IFT81: variants seen among roughly 807,000 people sequenced by gnomAD.
The protein encoded by IFT81 is intraflagellar transport protein 81 homolog.
A neutral mutation model predicts 102.6 loss-of-function variants in IFT81; 72 were observed. That is an observed-to-expected ratio of 0.70 (90% CI 0.58 to 0.85). The LOEUF is 0.85. Ranked by LOEUF, IFT81 falls within the 40% of genes least tolerant of loss-of-function variation. The pLI is 0.00. For missense variants in IFT81, 723 were observed against 787.3 expected, an observed-to-expected ratio of 0.92 and a Z score of 0.98; for synonymous variants, 237 against 242.7, an observed-to-expected ratio of 0.98 and a Z score of 0.22.
intron 11 of IFT81, among the ~76,000 whole-genome samples, chr12:110,177,314 G>T (rs537173060): frequency 2.0e-5 from 3 of 151,992 alleles, no homozygotes; most frequent in Admixed American, 6.5e-5. Context: ...ACAGAATCTC[G>T]CTCTGTCGCT....
At chr12:110,203,831 C>T in intron 14 of IFT81, 33 bp from the exon 15 acceptor site, 1 of 1,434,814 alleles carries the variant, frequency 7.0e-7, no homozygotes, top group Non-Finnish European at 9.8e-7. Context: ...CTTTGTTTTT[C>T]ACTTATTCAA....
intron 12 of IFT81, among the ~76,000 whole-genome samples, chr12:110,188,123 G>A (rs2137538201): frequency 6.6e-6 from 1 of 152,134 alleles, no homozygotes; most frequent in South Asian, 2.1e-4. Flanking sequence ...ACGAGGTCAG[G>A]AGATCAAGAA....
chr12:110,177,913 G>A (rs201667111), intron 11 of IFT81, among the ~76,000 whole-genome samples: 4 of 151,282 alleles, frequency 2.6e-5, no homozygotes, highest in Admixed American at 2.0e-4. Context: ...TGGCCAACAT[G>A]GTGAAACCCC....
chr12:110,167,089 G>A (rs2339403), intron 11 of IFT81, among the ~76,000 whole-genome samples: 151,158 of 152,196 alleles, frequency 0.99, 75,065 homozygotes, highest in Middle Eastern at 1. Context: ...TAAAGTTAAT[G>A]TTCCAGATGT....
chr12:110,204,161 C>G, intron 15 of IFT81: 1 of 442,374 alleles, frequency 2.3e-6, no homozygotes, highest in South Asian at 3.1e-5. Flanking sequence ...TGCCCGTGTA[C>G]GCACATTTTC....
At chr12:110,217,932 GCTAA>G (rs781671055) in intron 18 of IFT81, 108 bp from the exon 19 acceptor site, 6 of 720,930 alleles carry the variant, frequency 8.3e-6, no homozygotes, top group Non-Finnish European at 1.1e-5. Context: ...ATGTGGTTTA[GCTAA>G]CTATTTTTTA....
At chr12:110,208,471 A>G (rs1361412420) in intron 17 of IFT81, among the ~76,000 whole-genome samples, 1 of 152,046 alleles carries the variant, frequency 6.6e-6, no homozygotes, top group Admixed American at 6.6e-5. Flanking sequence ...ATGCCACTGC[A>G]CTCCAACCTG....
intron 12 of IFT81, among the ~76,000 whole-genome samples, chr12:110,183,288 G>A (rs185404227): frequency 4.6e-5 from 7 of 152,258 alleles, no homozygotes; most frequent in Admixed American, 1.3e-4. Context: ...GTCCCATTAA[G>A]GATGAAATGT....
intron 10 of IFT81, among the ~76,000 whole-genome samples, chr12:110,149,418 G>T (rs1006196540): frequency 2.6e-5 from 4 of 152,300 alleles, no homozygotes; most frequent in Middle Eastern, 3.4e-3. Flanking sequence ...CAGTGGGCAT[G>T]TGTTACAGTG....
chr12:110,191,112 GT>G, intron 13 of IFT81, 64 bp downstream of exon 13: 2 of 1,357,238 alleles, frequency 1.5e-6, no homozygotes, highest in Non-Finnish European at 2.0e-6. Context: ...TTTTGTGTTA[GT>G]TTTATTTTCA....
Position 110,167,702 on chromosome 12 carries a change from A to G in IFT81, c.1188+4637A>G, listed in dbSNP as rs553014042. ...ATTTGCCCTTTATCCTGATTTGTTT[A>G]TTATTATCAATACTTTAGATAAATA... On this transcript the variant is annotated intron_variant, in intron 11 of 18. Transcript: ENST00000242591. Among the ~76,000 whole-genome samples, 3 of 152,214 alleles carry G rather than the reference A, an allele frequency of 2.0e-5. No individual in the cohort carries two copies. In the South Asian group the frequency reaches 6.2e-4, roughly 32 times the overall value.
intron 10 of IFT81, among the ~76,000 whole-genome samples, chr12:110,158,750 C>T (rs1895981494): frequency 6.6e-6 from 1 of 152,190 alleles, no homozygotes; most frequent in East Asian, 1.9e-4. Context: ...CCACCACGCC[C>T]GTCTAATTTT....
At chr12:110,145,105 T>A (rs1472320451) in intron 9 of IFT81, among the ~76,000 whole-genome samples, 1 of 144,474 alleles carries the variant, frequency 6.9e-6, no homozygotes, top group East Asian at 2.1e-4. Context: ...TGATCACAGC[T>A]CACTGCAGCC....
intron 13 of IFT81, among the ~76,000 whole-genome samples, chr12:110,191,267 T>C (rs1365794088): frequency 6.6e-6 from 1 of 151,558 alleles, no homozygotes; most frequent in Non-Finnish European, 1.5e-5. Flanking sequence ...ACCTCTGGGG[T>C]TCAAGTGATT....
intron 14 of IFT81, among the ~76,000 whole-genome samples, chr12:110,193,926 C>T (rs1345847994): frequency 6.6e-6 from 1 of 152,102 alleles, no homozygotes; most frequent in African/African-American, 2.4e-5. Context: ...GTTCTACAGG[C>T]TATACAGGAA....
chr12:110,138,493 T>C (rs1428995424), intron 8 of IFT81, among the ~76,000 whole-genome samples: 1 of 151,288 alleles, frequency 6.6e-6, no homozygotes, highest in Non-Finnish European at 1.5e-5. Flanking sequence ...AGTGCAGTGG[T>C]GCAATCTTAG....
chr12:110,169,590 T>C (rs1295447389), intron 11 of IFT81, among the ~76,000 whole-genome samples: 3 of 152,184 alleles, frequency 2.0e-5, no homozygotes, highest in Non-Finnish European at 4.4e-5. Flanking sequence ...AGCCTGACAG[T>C]CTCACTCTGT....
chr12:110,132,392 G>A (rs765724626), intron 4 of IFT81, among the ~76,000 whole-genome samples, 155 bp from the exon 5 acceptor site: 2 of 151,560 alleles, frequency 1.3e-5, no homozygotes, highest in South Asian at 2.1e-4. Context: ...TCTGGGAGGC[G>A]GAAGTTGTAG....
intron 14 of IFT81, among the ~76,000 whole-genome samples, chr12:110,197,322 T>G (rs1014990992): frequency 6.6e-6 from 1 of 152,026 alleles, no homozygotes; most frequent in Non-Finnish European, 1.5e-5. Flanking sequence ...GTTTCTTACA[T>G]CCAGTTTGAG....
Sources: gnomAD v4.1 joint callset for allele counts (sites outside exome capture counted in the v4.1 genomes callset) on GRCh38, gnomAD v4.1.1 for gene constraint, MANE v1.5 for transcripts, NCBI Gene and HGNC (gene_info 2026-07-23, HGNC 2026-07-21) for gene names.